Variants in PGPEP1L observed in about 807,000 individuals in gnomAD.
PGPEP1L encodes the protein pyroglutamyl-peptidase I like.
In PGPEP1L, 7 loss-of-function variants were observed where a neutral mutation model predicts 6.0. The ratio of observed to expected loss-of-function variants is 1.17; its 90% CI spans 0.66 to 2.19. PGPEP1L has a LOEUF of 2.19. PGPEP1L is among the 30% of genes most tolerant of loss of function. PGPEP1L has a pLI of 0.00. For missense variants in PGPEP1L, 209 were observed against 192.5 expected, an observed-to-expected ratio of 1.09 and a Z score of -0.51; for synonymous variants, 103 against 83.9, an observed-to-expected ratio of 1.23 and a Z score of -1.24.
At chr15:98,983,300 C>T (rs574618979) in intron 2 of PGPEP1L, among the ~76,000 whole-genome samples, 101 of 152,266 alleles carry the variant, frequency 6.6e-4, no homozygotes, top group Middle Eastern at 3.4e-3. Context: ...TTCTGATTCA[C>T]GGCTCTTTAT....
At chr15:98,983,166 A>AG (rs1158789852) in intron 2 of PGPEP1L, among the ~76,000 whole-genome samples, 4 of 86,098 alleles carry the variant, frequency 4.6e-5, no homozygotes, top group Non-Finnish European at 7.4e-5. Flanking sequence ...GGGAAAAAAA[A>AG]AAAAAGAAGA....
intron 2 of PGPEP1L, among the ~76,000 whole-genome samples, chr15:98,992,707 C>G (rs1406833449): frequency 1.6e-4 from 25 of 152,198 alleles, no homozygotes; most frequent in African/African-American, 5.5e-4. Context: ...TACTACAAGG[C>G]TGCAGTAACA....
chr15:98,983,829 T>C (rs1312432188), intron 2 of PGPEP1L, among the ~76,000 whole-genome samples: 1 of 152,178 alleles, frequency 6.6e-6, no homozygotes, highest in Admixed American at 6.5e-5. Flanking sequence ...ATTTTTCTTC[T>C]TTTCAAAATA....
chr15:99,006,646 T>G (rs1169174824), intron 1 of PGPEP1L, among the ~76,000 whole-genome samples: 20 of 152,182 alleles, frequency 1.3e-4, no homozygotes, highest in African/African-American at 4.6e-4. Context: ...CTGGGCAACG[T>G]GGCAAGACTG....
chr15:98,978,728 T>TATATATA (rs1567236403), intron 2 of PGPEP1L, among the ~76,000 whole-genome samples: 3 of 25,516 alleles, frequency 1.2e-4, no homozygotes, highest in East Asian at 1.4e-3. Context: ...ATATATATAT[T>TATATATA]TTTTTTTTTT....
intron 3 of PGPEP1L, 44 bp from the exon 4 acceptor site, chr15:98,969,695 C>G: frequency 6.3e-7 from 1 of 1,586,652 alleles, no homozygotes; most frequent in Non-Finnish European, 8.6e-7. Context: ...GAAAACGAGG[C>G]CCACCCTGCT....
chr15:98,976,058 G>A (rs533971021), intron 2 of PGPEP1L, among the ~76,000 whole-genome samples: 3 of 152,192 alleles, frequency 2.0e-5, no homozygotes, highest in South Asian at 2.1e-4. Context: ...ATTACCAGAC[G>A]TTGGGGGAAG....
At chr15:99,006,519 A>T (rs781815110) in intron 1 of PGPEP1L, among the ~76,000 whole-genome samples, 4 of 152,254 alleles carry the variant, frequency 2.6e-5, no homozygotes, top group Non-Finnish European at 4.4e-5. Context: ...CTTTCGGAGA[A>T]TTCTATTTAA....
intron 2 of PGPEP1L, among the ~76,000 whole-genome samples, chr15:98,979,742 C>A (rs6598558): frequency 2.1e-5 from 3 of 143,580 alleles, no homozygotes; most frequent in Middle Eastern, 7.4e-3. Flanking sequence ...CTCTGCCTCC[C>A]GGGTTCAAGC....
At chr15:98,973,688 A>G (rs2017529079) in intron 2 of PGPEP1L, among the ~76,000 whole-genome samples, 1 of 152,174 alleles carries the variant, frequency 6.6e-6, no homozygotes, top group Non-Finnish European at 1.5e-5. Context: ...ATCAAAACCT[A>G]TGGGATACAG....
At chr15:99,006,177 G>A (rs1212241551) in intron 1 of PGPEP1L, among the ~76,000 whole-genome samples, 2 of 152,216 alleles carry the variant, frequency 1.3e-5, no homozygotes, top group Admixed American at 1.3e-4. Context: ...TTTGAGAAAC[G>A]AGGATCGCAG....
At chr15:98,984,009 CTTTTTTTTTTT>C (rs71456904) in intron 2 of PGPEP1L, among the ~76,000 whole-genome samples, 24 of 115,780 alleles carry the variant, frequency 2.1e-4, no homozygotes, top group African/African-American at 8.5e-4. Flanking sequence ...AGTAAGTAGT[CTTTTTTTTTTT>C]TTTTTTTTTT....
At chr15:98,989,187 G>A (rs1451702897) in intron 2 of PGPEP1L, among the ~76,000 whole-genome samples, 1 of 152,148 alleles carries the variant, frequency 6.6e-6, no homozygotes, top group Non-Finnish European at 1.5e-5. Flanking sequence ...AAACTCCTCT[G>A]AGCTAAAGAA....
chr15:98,969,472 G>A lies in PGPEP1L; in HGVS notation c.162C>T (p.Arg54=), dbSNP rs769686086. 15 of 1,614,030 alleles carry A rather than the reference G, an allele frequency of 9.3e-6. No individual in the cohort carries two copies. The highest frequency in any genetic ancestry group is 5.0e-5 in the Admixed American group (3 of 60,026). The change falls in exon 4 of 5, where the codon CGC becomes CGT. Residue 54 remains arginine, a synonymous_variant. Transcript: ENST00000535714. ...SGVCMKAVCK[R]VAVEGVDVIF... ...TCACGTCGACACCCTCCACAGCTAC[G>A]CGCTTGCAGACTGCCTTCATGCAGA... is the stretch of plus-strand genomic sequence containing the variant.
At chr15:98,972,858 G>A (rs971407449) in intron 2 of PGPEP1L, among the ~76,000 whole-genome samples, 1 of 106,178 alleles carries the variant, frequency 9.4e-6, no homozygotes, top group Non-Finnish European at 1.7e-5. Flanking sequence ...GGGTGACAGA[G>A]TGAGACTCCG....
At chr15:98,984,169 C>A (rs1262087103) in intron 2 of PGPEP1L, among the ~76,000 whole-genome samples, 2 of 152,052 alleles carry the variant, frequency 1.3e-5, no homozygotes, top group East Asian at 3.9e-4. Flanking sequence ...CACCACCACG[C>A]CCGGCTAATT....
chr15:99,000,602 A>G (rs1257327754), intron 2 of PGPEP1L, among the ~76,000 whole-genome samples: 1 of 152,142 alleles, frequency 6.6e-6, no homozygotes, highest in African/African-American at 2.4e-5. Context: ...TTGTGAATGC[A>G]CCAATCGACG....
In PGPEP1L at chr15:98,978,201, C is replaced by G. The variant is rs78554046; in HGVS notation, c.-141-7043G>C. On this transcript the variant is annotated intron_variant, in intron 2 of 4. Coordinates refer to ENST00000535714, the MANE Select transcript of PGPEP1L (RefSeq NM_001167902.2). ...AATGCCTGCAAGAGAGGAAACACAG[C>G]AGCACACATGCTTCCCTGATGAAAG... is the stretch of plus-strand genomic sequence containing the variant. Among the ~76,000 whole-genome samples, 24 of 152,344 alleles carry G rather than the reference C, an allele frequency of 1.6e-4. No homozygotes were observed. In the East Asian group the frequency reaches 4.6e-3, roughly 29 times the overall value.
At chr15:98,977,132 T>TC (rs1186927925) in intron 2 of PGPEP1L, among the ~76,000 whole-genome samples, 1 of 152,182 alleles carries the variant, frequency 6.6e-6, no homozygotes, top group Non-Finnish European at 1.5e-5. Flanking sequence ...TTATTTTTTT[T>TC]CTTGATCAAT....
Sources: allele counts gnomAD v4.1 joint callset (sites outside exome capture counted in the v4.1 genomes callset), GRCh38; gene constraint gnomAD v4.1.1; transcripts MANE v1.5; gene names NCBI Gene and HGNC (gene_info 2026-07-23, HGNC 2026-07-21).